The following PUS7 variants were observed in gnomAD, a reference collection of about 807,000 sequenced individuals.
PUS7 encodes the protein pseudouridine synthase 7, also known as pseudouridylate synthase 7 homolog.
PUS7 carries 48 observed loss-of-function variants against 79.8 expected under a neutral mutation model. The ratio of observed to expected loss-of-function variants is 0.60; its 90% CI spans 0.48 to 0.76. The LOEUF (loss-of-function observed/expected upper bound fraction) is 0.76, where lower values mean the gene tolerates loss of function less well. PUS7 is among the 30% of genes least tolerant of loss of function. The pLI, the probability that PUS7 is intolerant of heterozygous loss-of-function variation, is 0.00. For synonymous variants in PUS7, 286 were observed against 272.2 expected, an observed-to-expected ratio of 1.05 and a Z score of -0.50; for missense variants, 729 against 797.6, an observed-to-expected ratio of 0.91 and a Z score of 1.04.
At chr7:105,502,979 C>T (rs759004695) in intron 4 of PUS7, among the ~76,000 whole-genome samples, 4 of 152,138 alleles carry the variant, frequency 2.6e-5, no homozygotes, top group Non-Finnish European at 5.9e-5. Context: ...AGATTACAGG[C>T]GTGAGCCACC....
chr7:105,515,791 T>TCTATTTATTTATTTA (rs1554353687), intron 1 of PUS7, among the ~76,000 whole-genome samples: 3 of 121,240 alleles, frequency 2.5e-5, no homozygotes, highest in African/African-American at 9.6e-5. Flanking sequence ...TTTTATTTTA[T>TCTATTTATTTATTTA]TTTATTTATT....
intron 9 of PUS7, among the ~76,000 whole-genome samples, chr7:105,476,759 A>G (rs1350113791): frequency 6.6e-6 from 1 of 152,182 alleles, no homozygotes; most frequent in Admixed American, 6.5e-5. Flanking sequence ...CTGTACCCTT[A>G]TCAACACTTG....
intron 13 of PUS7, among the ~76,000 whole-genome samples, chr7:105,464,632 C>T (rs1299389340): frequency 6.6e-6 from 1 of 152,136 alleles, no homozygotes; most frequent in East Asian, 1.9e-4. Flanking sequence ...TTCCCCAGGT[C>T]TCAAGTCTTT....
intron 4 of PUS7, among the ~76,000 whole-genome samples, chr7:105,504,479 T>C (rs1432842150): frequency 6.6e-6 from 1 of 152,202 alleles, no homozygotes; most frequent in Non-Finnish European, 1.5e-5. Flanking sequence ...GATCTGAAAT[T>C]ACTGATAGCA....
Position 105,506,017 on chromosome 7 carries a change from C to T in PUS7, c.523G>A (p.Glu175Lys). 1 of 1,613,930 alleles carries T rather than the reference C, an allele frequency of 6.2e-7. No homozygotes were observed. ...TGGAGCTCTTCCAATCGCTGCTTTTCTTCAGCTGTCAAAACTGTAAATATG... is the reference window on the plus strand; with the variant it reads ...TGGAGCTCTTCCAATCGCTGCTTTTTTTCAGCTGTCAAAACTGTAAATATG... ...EDIFTVLTAE[E>K]KQRLEELQLF... is the part of the protein sequence containing the mutation. The change falls in exon 4 of 16, where the codon GAA becomes AAA. Residue 175 changes from glutamate (E) to lysine (K), a missense_variant. Coordinates refer to ENST00000469408, the MANE Select transcript of PUS7 (RefSeq NM_019042.5).
At chr7:105,518,588 G>T (rs995299843) in intron 1 of PUS7, among the ~76,000 whole-genome samples, 2 of 151,862 alleles carry the variant, frequency 1.3e-5, no homozygotes, top group African/African-American at 4.8e-5. Context: ...TTTTTGTAGA[G>T]ACAGGGTTTT....
intron 6 of PUS7, among the ~76,000 whole-genome samples, chr7:105,493,709 T>TA (rs535891535): frequency 1.5e-3 from 228 of 152,174 alleles, no homozygotes; most frequent in African/African-American, 4.9e-3. Context: ...CACACACAGA[T>TA]ACCAGGGGTG....
intron 7 of PUS7, among the ~76,000 whole-genome samples, chr7:105,488,498 T>G (rs1263843367): frequency 6.6e-6 from 1 of 152,232 alleles, no homozygotes; most frequent in African/African-American, 2.4e-5. Context: ...TTTAAGTCAG[T>G]AATTTCACTG....
At chr7:105,459,722 C>A (rs1480288573) in intron 14 of PUS7, among the ~76,000 whole-genome samples, 1 of 151,950 alleles carries the variant, frequency 6.6e-6, no homozygotes, top group African/African-American at 2.4e-5. Context: ...ATAACGTGAG[C>A]CACTGTGCCT....
chr7:105,470,533 T>TG, intron 11 of PUS7, 155 bp downstream of exon 11: 1 of 790,716 alleles, frequency 1.3e-6, no homozygotes, highest in Non-Finnish European at 1.8e-6. Context: ...ACTCAGGGTC[T>TG]GAACAAAGAC....
At chr7:105,515,032 G>C (rs1264045684) in intron 1 of PUS7, among the ~76,000 whole-genome samples, 1 of 152,158 alleles carries the variant, frequency 6.6e-6, no homozygotes, top group Non-Finnish European at 1.5e-5. Context: ...CTGACCTCGT[G>C]ATCTGCCCGC....
At chr7:105,499,957 G>A (rs1825182589) in intron 5 of PUS7, among the ~76,000 whole-genome samples, 1 of 152,170 alleles carries the variant, frequency 6.6e-6, no homozygotes, top group African/African-American at 2.4e-5. Context: ...CTTTCCTAGG[G>A]GTGTTCACTT....
chr7:105,475,950 CT>C (rs1225665826), intron 9 of PUS7, among the ~76,000 whole-genome samples: 2 of 151,948 alleles, frequency 1.3e-5, no homozygotes, highest in Non-Finnish European at 2.9e-5. Context: ...CATATTTGTT[CT>C]TTTGTTACTG....
intron 7 of PUS7, among the ~76,000 whole-genome samples, chr7:105,483,343 T>A (rs1397153117): frequency 6.6e-6 from 1 of 152,094 alleles, no homozygotes; most frequent in Non-Finnish European, 1.5e-5. Flanking sequence ...TTTTTTAGTT[T>A]TAGTACAGAT....
At position 105,495,235 on chromosome 7, in the gene PUS7, C is replaced by T. The variant is rs764667984; in HGVS notation, c.749G>A (p.Trp250Ter). 6.2e-7 allele frequency: 1 copy of T among 1,608,390 alleles called. No individual in the cohort carries two copies. The highest frequency in any genetic ancestry group is 8.5e-7 in the Non-Finnish European group (1 of 1,176,032). ...KALANPRKHSWPKSRGSYCHF... is the reference protein window; with the variant it reads ...KALANPRKHS ...GCAGTAACTTCCCCTAGATTTTGGCCAAGAATGTTTTCTTGGATCTTGAAA... is the reference window on the plus strand; with the variant it reads ...GCAGTAACTTCCCCTAGATTTTGGCTAAGAATGTTTTCTTGGATCTTGAAA... The change falls in exon 6 of 16, where the codon TGG becomes TAG. Residue 250 changes from tryptophan (W) to a stop codon, truncating the protein, a stop_gained. Coordinates refer to ENST00000469408, the MANE Select transcript of PUS7 (RefSeq NM_019042.5). LOFTEE classifies it high-confidence loss of function.
chr7:105,517,840 C>T (rs1825954174), intron 1 of PUS7, among the ~76,000 whole-genome samples: 1 of 152,042 alleles, frequency 6.6e-6, no homozygotes, highest in Non-Finnish European at 1.5e-5. Flanking sequence ...GACCATGTCT[C>T]TGCAAAAAAT....
chr7:105,512,323 A>G (rs1411319975), intron 1 of PUS7, among the ~76,000 whole-genome samples: 1 of 152,170 alleles, frequency 6.6e-6, no homozygotes, highest in Non-Finnish European at 1.5e-5. Context: ...TCAAAAAAAG[A>G]ACGCTGGTTT....
Position 105,495,031 on chromosome 7 carries a change from A to G in PUS7, c.842+111T>C, listed in dbSNP as rs563772793. 157 of 584,960 alleles carry G rather than the reference A, an allele frequency of 2.7e-4. No individual in the cohort carries two copies. The African/African-American group carries it at 2.9e-3, about 11-fold the overall frequency. The allele number at this position is 584,960 out of a possible 1,614,324, so 36.2% of individuals were successfully genotyped here. A position where few individuals can be genotyped will look rare whatever the true frequency, so the allele number is the denominator to read the frequency against. ...AAAGAAAACTATCATTGGGAGGAGC[A>G]TTTACTATCTGTAATCTGTGCTCCT... On this transcript the variant is annotated intron_variant, in intron 6 of 15. Transcript: ENST00000469408.
At position 105,466,135 on chromosome 7, in the gene PUS7, G is replaced by A. The variant is rs2133055625; in HGVS notation, c.1526-721C>T. Among the ~76,000 whole-genome samples the A allele has an allele frequency of 2.0e-5, 3 of 147,816 alleles. No homozygotes were observed. The Middle Eastern group carries it at 0.01, about 517-fold the overall frequency. The stretch of plus-strand genomic sequence containing the variant: ...ACTGCACTACTGTGCTCCATCCTGG[G>A]TCTTGGAGTGAGACCCTGTCTCAAA... On this transcript the variant is annotated intron_variant, in intron 12 of 15. Transcript: ENST00000469408.
Sources: gnomAD v4.1 joint callset for allele counts (sites outside exome capture counted in the v4.1 genomes callset) on GRCh38, gnomAD v4.1.1 for gene constraint, MANE v1.5 for transcripts, NCBI Gene and HGNC (gene_info 2026-07-23, HGNC 2026-07-21) for gene names.